DUSP8: variants seen among roughly 807,000 people sequenced by gnomAD.
DUSP8 encodes the protein dual specificity phosphatase 8, also known as dual specificity protein phosphatase 8.
Under a neutral mutation model 38.7 loss-of-function variants are expected in DUSP8, and 15 were observed. The ratio of observed to expected loss-of-function variants is 0.39; its 90% CI spans 0.26 to 0.60. DUSP8 has a LOEUF of 0.60. Among genes scored for constraint, DUSP8 ranks in the 20% least tolerant of loss-of-function variants. The pLI is 0.56. For missense variants in DUSP8, 768 were observed against 915.0 expected, an observed-to-expected ratio of 0.84 and a Z score of 2.07; for synonymous variants, 458 against 433.9, an observed-to-expected ratio of 1.06 and a Z score of -0.69.
At position 1,555,610 on chromosome 11, in the gene DUSP8, G is replaced by A. The variant is rs1424967287; in HGVS notation, c.*908C>T. On this transcript the variant is annotated 3_prime_UTR_variant, in exon 7 of 7. Coordinates refer to ENST00000397374, the MANE Select transcript of DUSP8 (RefSeq NM_004420.3). ...GCCAGGCGCCTCCTGCCTGACCCCC[G>A]GAGGCCAAGCTCCTCTCCTGCAATG... 4 of 363,602 alleles carry A rather than the reference G, an allele frequency of 1.1e-5. No individual in the cohort carries two copies. Among genetic ancestry groups the A allele is most frequent in the Non-Finnish European group, 1.5e-5 (4 of 261,700 alleles). The allele number at this position is 363,602 out of a possible 1,614,324, so 22.5% of individuals were successfully genotyped here.
chr11:1,571,457 G>C (rs1246853563), intron 1 of DUSP8: 1 of 152,206 alleles, frequency 6.6e-6, no homozygotes, highest in African/African-American at 2.4e-5. Context: ...TCCCTCCCAC[G>C]GCCGAGGCTC....
intron 3 of DUSP8, among the ~76,000 whole-genome samples, chr11:1,561,683 T>C (rs2133438362): frequency 6.6e-6 from 1 of 152,208 alleles, no homozygotes; most frequent in East Asian, 1.9e-4. Context: ...TGCCCTGCTG[T>C]GGGGAGGACA....
Position 1,564,482 on chromosome 11 carries a change from G to A in DUSP8, c.232-493C>T, listed in dbSNP as rs557789276. Among the ~76,000 whole-genome samples the A allele has an allele frequency of 1.8e-4, 27 of 151,324 alleles. No homozygotes were observed. In the South Asian group the frequency reaches 5.0e-3, roughly 28 times the overall value. Reference sequence around the variant, plus strand: ...CCCTATCCCCTCCCCAACCCCCAGCGGAGAAACAGAGGGCTGCAGCAGGAC... The same window carrying A: ...CCCTATCCCCTCCCCAACCCCCAGCAGAGAAACAGAGGGCTGCAGCAGGAC... On this transcript the variant is annotated intron_variant, in intron 2 of 6. Coordinates refer to ENST00000397374, the MANE Select transcript of DUSP8 (RefSeq NM_004420.3).
chr11:1,562,579 A>G (rs1404769483), intron 3 of DUSP8, among the ~76,000 whole-genome samples: 1 of 152,218 alleles, frequency 6.6e-6, no homozygotes, highest in Non-Finnish European at 1.5e-5. Context: ...ACCTCCATGT[A>G]TATACATGCA....
chr11:1,560,640 G>GCTTGC (rs1848702142), intron 3 of DUSP8, among the ~76,000 whole-genome samples: 1 of 152,226 alleles, frequency 6.6e-6, no homozygotes, highest in Non-Finnish European at 1.5e-5. Context: ...CGACGCCCCA[G>GCTTGC]CTTGCAGGTT....
rs1380334750 is a variant in DUSP8, at chr11:1,564,028, C to T, written c.232-39G>A. On this transcript the variant is annotated intron_variant, in intron 2 of 6. Coordinates refer to ENST00000397374, the MANE Select transcript of DUSP8 (RefSeq NM_004420.3). ...GGCAGAGATCAGCATGCCGCCTCCA[C>T]CTATCGATGCCCTGGCCCCGTCCCA... 7 of 1,407,610 alleles carry T rather than the reference C, an allele frequency of 5.0e-6. No individual in the cohort carries two copies. In the African/African-American group the frequency reaches 7.3e-5, roughly 15 times the overall value. The allele number at this position is 1,407,610 out of a possible 1,614,324, so 87.2% of individuals were successfully genotyped here. A position where few individuals can be genotyped will look rare whatever the true frequency, so the allele number is the denominator to read the frequency against.
chr11:1,555,495 CG>C lies in DUSP8; in HGVS notation c.*1022del. 2 of 963,836 alleles carry C rather than the reference CG, an allele frequency of 2.1e-6. No homozygotes were observed. The highest frequency in any genetic ancestry group is 2.5e-6 in the Non-Finnish European group (2 of 812,266). 59.7% of individuals were successfully genotyped at this position (963,836 alleles called of 1,614,324 possible). A position where few individuals can be genotyped will look rare whatever the true frequency, so the allele number is the denominator to read the frequency against. ...GCCTGGGGCATGGCTGGGAGGGGGG[CG>C]GGGCAGACCTGGAACAGAACCCTAA... On this transcript the variant is annotated 3_prime_UTR_variant, in exon 7 of 7. Coordinates refer to ENST00000397374, the MANE Select transcript of DUSP8 (RefSeq NM_004420.3).
rs902456677 is a variant in DUSP8 at position 1,563,881 on chromosome 11, C to T, written c.340G>A (p.Gly114Ser). 7 of 1,548,548 alleles carry T rather than the reference C, an allele frequency of 4.5e-6. No homozygotes were observed. Among genetic ancestry groups the T allele is most frequent in the African/African-American group, 1.4e-5 (1 of 73,152 alleles). ...AGGATGGCCACGCTGTCGAAGCAGC[C>T]GTCCAGCTTGCTCAGCAGGATGGAG... is the stretch of plus-strand genomic sequence containing the variant. The part of the protein sequence containing the change: ...FLSILLSKLD[G>S]CFDSVAILTG... Residue 114 changes from glycine to serine, a missense_variant, in exon 3 of 7, where the codon GGC (glycine) becomes AGC (serine). This residue lies in a region of DUSP8 where 252 missense variants were observed against 410.4 expected (regional missense o/e 0.61). Transcript: ENST00000397374.
Position 1,557,301 on chromosome 11 carries a change from CGGGGGCGTG to C in DUSP8, c.1086_1094del (p.Thr363_Pro365del). The stretch of plus-strand genomic sequence containing the variant: ...GGCCCTGCTGCAGTGCGCTGGTCGC[CGGGGGCGTG>C]GGGGGCGCGGGGGGCTCCCCGCCCG... On this transcript the variant is annotated inframe_deletion, in exon 7 of 7. Coordinates refer to ENST00000397374, the MANE Select transcript of DUSP8 (RefSeq NM_004420.3). The surrounding 1 kb of genome is among the most constrained non-coding windows in gnomAD (Gnocchi z 9.9). 1 of 1,469,646 alleles carries C rather than the reference CGGGGGCGTG, an allele frequency of 6.8e-7. No individual in the cohort carries two copies. Among genetic ancestry groups the C allele is most frequent in the Non-Finnish European group, 8.9e-7 (1 of 1,119,564 alleles). 91.0% of individuals were successfully genotyped at this position (1,469,646 alleles called of 1,614,324 possible).
chr11:1,571,116 G>A (rs928530800), intron 1 of DUSP8, among the ~76,000 whole-genome samples: 4 of 152,162 alleles, frequency 2.6e-5, no homozygotes, highest in Non-Finnish European at 5.9e-5. Context: ...CTCCCAGAAG[G>A]GGTGACCCTG....
At position 1,565,702 on chromosome 11, in the gene DUSP8, T is replaced by C. The variant is rs1451257135; in HGVS notation, c.125A>G (p.His42Arg). 6.2e-7 allele frequency: 1 copy of C among 1,611,958 alleles called. No homozygotes were observed. The highest frequency in any genetic ancestry group is 8.5e-7 in the Non-Finnish European group (1 of 1,179,686). ...SRSFVEYNSWHVLSSVNICCS... is the reference protein window; with the variant it reads ...SRSFVEYNSWRVLSSVNICCS... Reference sequence around the variant, plus strand: ...GCAGATGTTGACGGAGCTGAGCACATGCCAGCTGTTGTACTCCACGAAGGA... The same window carrying C: ...GCAGATGTTGACGGAGCTGAGCACACGCCAGCTGTTGTACTCCACGAAGGA... The change falls in exon 2 of 7, where the codon CAT becomes CGT. Residue 42 changes from histidine to arginine, a missense_variant. His to Arg is a conservative substitution (Grantham distance 29). This residue lies in a region of DUSP8 where 252 missense variants were observed against 410.4 expected (regional missense o/e 0.61). Coordinates refer to ENST00000397374, the MANE Select transcript of DUSP8 (RefSeq NM_004420.3).
In DUSP8 at chr11:1,556,473, T is replaced by C. The variant is rs1198897255; in HGVS notation, c.*45A>G. Reference sequence around the variant, plus strand: ...TTGCATTATATATAATATACATTTATAACGGGCCTGGCTGCGGGCGGCGGG... The same window carrying C: ...TTGCATTATATATAATATACATTTACAACGGGCCTGGCTGCGGGCGGCGGG... On this transcript the variant is annotated 3_prime_UTR_variant, in exon 7 of 7. Coordinates refer to ENST00000397374, the MANE Select transcript of DUSP8 (RefSeq NM_004420.3). This position sits in a 1 kb window ranked among gnomAD's most constrained non-coding sequence, Gnocchi z 5.2. 2 of 1,232,040 alleles carry C rather than the reference T, an allele frequency of 1.6e-6. No individual in the cohort carries two copies. Among genetic ancestry groups the C allele is most frequent in the Non-Finnish European group, 2.0e-6 (2 of 987,630 alleles). The allele number at this position is 1,232,040 out of a possible 1,614,324, so 76.3% of individuals were successfully genotyped here.
At chr11:1,566,154 G>T (rs1482961169) in intron 1 of DUSP8, among the ~76,000 whole-genome samples, 1 of 152,118 alleles carries the variant, frequency 6.6e-6, no homozygotes, top group Admixed American at 6.5e-5. Context: ...CACAGAGAAG[G>T]GTCTGAGGGC....
chr11:1,556,949 T>C lies in DUSP8; in HGVS notation c.1447A>G (p.Thr483Ala), dbSNP rs1848636471. 5 of 1,068,764 alleles carry C rather than the reference T, an allele frequency of 4.7e-6. No individual in the cohort carries two copies. The highest frequency in any genetic ancestry group is 5.6e-6 in the Non-Finnish European group (5 of 885,840). 66.2% of individuals were successfully genotyped at this position (1,068,764 alleles called of 1,614,324 possible). A position where few individuals can be genotyped will look rare whatever the true frequency, so the allele number is the denominator to read the frequency against. ...GLNFGDAARQ[T>A]PRHGLSALSA... Reference sequence around the variant, plus strand: ...AGGGCCGAGAGGCCGTGCCGCGGAGTCTGCCGGGCCGCATCGCCGAAGTTC... The same window carrying C: ...AGGGCCGAGAGGCCGTGCCGCGGAGCCTGCCGGGCCGCATCGCCGAAGTTC... The change falls in exon 7 of 7, where the codon ACT (threonine) becomes GCT (alanine). Residue 483 changes from threonine (T) to alanine (A), a missense_variant. Physicochemically the swap from Thr to Ala is moderately conservative, Grantham distance 58 (BLOSUM62 0). Coordinates refer to ENST00000397374, the MANE Select transcript of DUSP8 (RefSeq NM_004420.3). The surrounding 1 kb of genome is among the most constrained non-coding windows in gnomAD (Gnocchi z 5.2).
At chr11:1,565,130 T>C (rs1015685444) in intron 2 of DUSP8, among the ~76,000 whole-genome samples, 1 of 152,138 alleles carries the variant, frequency 6.6e-6, no homozygotes, top group African/African-American at 2.4e-5. Context: ...CATGGACTGC[T>C]CACGTGTGCC....
intron 1 of DUSP8, among the ~76,000 whole-genome samples, chr11:1,568,790 T>C (rs1353299321): frequency 6.6e-6 from 1 of 152,204 alleles, no homozygotes; most frequent in Non-Finnish European, 1.5e-5. Flanking sequence ...AGGCCTTCTC[T>C]GTACTGCGAA....
intron 3 of DUSP8, among the ~76,000 whole-genome samples, chr11:1,560,728 C>T (rs866118306): frequency 2.6e-5 from 4 of 152,178 alleles, no homozygotes; most frequent in Non-Finnish European, 5.9e-5. Context: ...CTGGATGTTC[C>T]CGCTGCAGGA....
In DUSP8 at chr11:1,557,036, G is replaced by A. The variant is rs1038073020; in HGVS notation, c.1360C>T (p.Arg454Cys). The change falls in exon 7 of 7, where the codon CGC becomes TGC. Residue 454 changes from arginine to cysteine, a missense_variant. Physicochemically the swap from Arg to Cys is radical, Grantham distance 180. Transcript: ENST00000397374. The surrounding 1 kb of genome is among the most constrained non-coding windows in gnomAD (Gnocchi z 9.9). ...CCGGCGGGGGGCCGGGGCCGCCGGC[G>A]GGGCCGTGGGCGCGCCTCAGGCGCG... The part of the protein sequence containing the change: ...DAAPEARPRP[R>C]RRPRPPAGSP... 9.2e-7 allele frequency: 1 copy of A among 1,089,404 alleles called. No homozygotes were observed. The highest frequency in any genetic ancestry group is 1.1e-6 in the Non-Finnish European group (1 of 897,892). 67.5% of individuals were successfully genotyped at this position (1,089,404 alleles called of 1,614,324 possible). A position where few individuals can be genotyped will look rare whatever the true frequency, so the allele number is the denominator to read the frequency against.
At chr11:1,561,192 C>T (rs190197835) in intron 3 of DUSP8, among the ~76,000 whole-genome samples, 3 of 152,198 alleles carry the variant, frequency 2.0e-5, no homozygotes, top group Admixed American at 2.0e-4. Context: ...GGCACCCCTA[C>T]CCCCAGGCAT....
Sources: gnomAD v4.1 joint callset for allele counts (sites outside exome capture counted in the v4.1 genomes callset) on GRCh38, gnomAD v4.1.1 for gene constraint, gnomAD v4.1.1 regional missense constraint, Gnocchi (gnomAD v3.1) non-coding constraint, MANE v1.5 for transcripts, NCBI Gene and HGNC (gene_info 2026-07-23, HGNC 2026-07-21) for gene names.